Variants in PCDHA2 observed in about 807,000 individuals in gnomAD.
The protein encoded by PCDHA2 is protocadherin alpha-2.
A neutral mutation model predicts 66.0 loss-of-function variants in PCDHA2; 58 were observed. That is an observed-to-expected ratio of 0.88 (90% CI 0.71 to 1.09). The LOEUF (loss-of-function observed/expected upper bound fraction) is 1.09, where lower values mean the gene tolerates loss of function less well. PCDHA2 is among the 50% of genes least tolerant of loss of function. The pLI is 0.00. For missense variants in PCDHA2, 1,267 were observed against 1,242.3 expected (o/e 1.02, Z -0.30); for synonymous variants, 634 against 554.0 (o/e 1.14, Z -2.03).
chr5:140,869,878 A>T, intron 1 of PCDHA2: 1 of 1,610,122 alleles, frequency 6.2e-7, no homozygotes, highest in Non-Finnish European at 8.5e-7. Flanking sequence ...TGCTAAAGAA[A>T]CTCTTGTGCT....
At chr5:140,971,952 C>T (rs782029862) in intron 1 of PCDHA2, among the ~76,000 whole-genome samples, 3 of 152,012 alleles carry the variant, frequency 2.0e-5, no homozygotes, top group Non-Finnish European at 4.4e-5. Context: ...CATCTGACTC[C>T]AAAAACTTTT....
intron 3 of PCDHA2, among the ~76,000 whole-genome samples, chr5:140,984,430 A>T (rs1236503699): frequency 6.6e-6 from 1 of 152,080 alleles, no homozygotes; most frequent in East Asian, 1.9e-4. Flanking sequence ...AGAGAAGGGG[A>T]TCTCCCTTGT....
chr5:140,886,827 GA>G (rs782016620), intron 1 of PCDHA2, among the ~76,000 whole-genome samples: 1,709 of 60,916 alleles, frequency 0.028, 12 homozygotes, highest in African/African-American at 0.032. Flanking sequence ...ACTTCGTCTT[GA>G]AAAAAAAAAA....
At chr5:140,895,485 C>A (rs2065029754) in intron 1 of PCDHA2, among the ~76,000 whole-genome samples, 1 of 152,114 alleles carries the variant, frequency 6.6e-6, no homozygotes, top group African/African-American at 2.4e-5. Flanking sequence ...GGAGAAATAC[C>A]TATTCAGAAC....
At chr5:140,915,622 T>TTCTC (rs1418940406) in intron 1 of PCDHA2, among the ~76,000 whole-genome samples, 2 of 128,520 alleles carry the variant, frequency 1.6e-5, no homozygotes, top group South Asian at 2.5e-4. Flanking sequence ...AACAGTCTCT[T>TTCTC]TCTGTCTCTC....
Position 140,857,640 on chromosome 5 carries a change from A to T in PCDHA2, c.2388+60288A>T, listed in dbSNP as rs1554150415. The T allele has an allele frequency of 1.3e-6, 2 of 1,596,722 alleles. 1 individual carries two copies. The highest frequency in any genetic ancestry group is 3.4e-5 in the Admixed American group (2 of 59,300). On this transcript the variant is annotated intron_variant, in intron 1 of 3. Coordinates refer to ENST00000526136, the MANE Select transcript of PCDHA2 (RefSeq NM_018905.3). The stretch of plus-strand genomic sequence containing the variant: ...GACCACGAGGAGCTGGAGCTGCTAC[A>T]GTTCCAGGTGAGCGCGCGCGATGGG...
chr5:140,869,190 C>G (rs536787060), intron 1 of PCDHA2: 1 of 1,613,998 alleles, frequency 6.2e-7, no homozygotes, highest in African/African-American at 1.3e-5. Context: ...TGGGGAGCGG[C>G]CAGCTCCACT....
intron 1 of PCDHA2, among the ~76,000 whole-genome samples, chr5:140,840,665 CA>C (rs1776810280): frequency 6.6e-6 from 1 of 151,998 alleles, no homozygotes; most frequent in Admixed American, 6.6e-5. Flanking sequence ...TATGCACATA[CA>C]TTTTTATTAC....
chr5:140,858,539 T>A (rs62384480), intron 1 of PCDHA2: 78,694 of 1,399,008 alleles, frequency 0.056, 7,001 homozygotes, highest in Non-Finnish European at 0.065. Context: ...TTTGTCTACA[T>A]TCCATTTATG....
intron 1 of PCDHA2, chr5:140,808,728 G>T (rs559957887): frequency 6.2e-7 from 1 of 1,612,192 alleles, no homozygotes; most frequent in African/African-American, 1.3e-5. Context: ...CATGCGGAGA[G>T]CGGCAAGGTG....
In PCDHA2 at chr5:141,010,147, C is replaced by T. The variant is rs895381983; in HGVS notation, c.*210C>T. ...AAGTCTGGTGTTAACTCTTTCTCTC[C>T]ACTCTGGCTTGTTTTCAGAACCTAA... On this transcript the variant is annotated 3_prime_UTR_variant, in exon 4 of 4. Coordinates refer to ENST00000526136, the MANE Select transcript of PCDHA2 (RefSeq NM_018905.3). 3.2e-6 allele frequency: 5 copies of T among 1,583,190 alleles called. No homozygotes were observed. The highest frequency in any genetic ancestry group is 4.3e-6 in the Non-Finnish European group (5 of 1,163,606).
At chr5:140,870,836 A>C in intron 1 of PCDHA2, 1 of 1,613,796 alleles carries the variant, frequency 6.2e-7, no homozygotes, top group Non-Finnish European at 8.5e-7. Flanking sequence ...GCAGTTAACA[A>C]GCTAGTACCG....
chr5:140,875,553 G>A (rs1447542979), intron 1 of PCDHA2: 4 of 1,614,000 alleles, frequency 2.5e-6, no homozygotes, highest in African/African-American at 2.7e-5. Flanking sequence ...GGGAGGTGGG[G>A]AGCGGCCAGC....
At chr5:140,882,424 G>A in intron 1 of PCDHA2, 1 of 1,614,114 alleles carries the variant, frequency 6.2e-7, no homozygotes, top group Non-Finnish European at 8.5e-7. Context: ...CTCAGGACCT[G>A]GGGCTGGAGC....
rs2150500536 is a variant in PCDHA2, at chr5:140,850,854, G to C, written c.2388+53502G>C. On this transcript the variant is annotated intron_variant, in intron 1 of 3. Transcript: ENST00000526136. ...TTGTGCTGGATCTACAGAGCGAACG[G>C]GAGAACCCTCTGCTTCCTCAGATTC... 60 of 1,595,366 alleles carry C rather than the reference G, an allele frequency of 3.8e-5. 3 individuals carry two copies. In the South Asian group the frequency reaches 6.2e-4, roughly 16 times the overall value.
chr5:140,967,276 G>C, intron 1 of PCDHA2: 2 of 1,613,398 alleles, frequency 1.2e-6, no homozygotes. Context: ...TTCACATAGA[G>C]AGTGCGCAGG....
intron 3 of PCDHA2, among the ~76,000 whole-genome samples, chr5:140,989,205 C>G (rs750885432): frequency 6.6e-6 from 1 of 152,192 alleles, no homozygotes; most frequent in Admixed American, 6.5e-5. Flanking sequence ...TTCTAGCTTT[C>G]TTTATACACC....
chr5:140,910,103 T>C (rs1485345908), intron 1 of PCDHA2, among the ~76,000 whole-genome samples: 2 of 152,192 alleles, frequency 1.3e-5, no homozygotes, highest in Admixed American at 6.5e-5. Flanking sequence ...CTCCCCTTCA[T>C]TTAAGGGATT....
Position 140,796,069 on chromosome 5 carries a change from A to G in PCDHA2, c.1105A>G (p.Ile369Val). The change falls in exon 1 of 4, where the codon ATT (isoleucine) becomes GTT (valine). Residue 369 changes from isoleucine to valine, a missense_variant. Transcript: ENST00000526136. ...ISENASLGTV[I>V]ALITVSDRDS... ...AGAGAACGCTTCCCTGGGCACTGTC[A>G]TTGCTCTCATCACGGTGTCGGATCG... 4.3e-6 allele frequency: 7 copies of G among 1,614,190 alleles called. No homozygotes were observed. Among genetic ancestry groups the G allele is most frequent in the Non-Finnish European group, 5.9e-6 (7 of 1,180,038 alleles).
Sources: gnomAD v4.1 joint callset for allele counts (sites outside exome capture counted in the v4.1 genomes callset) on GRCh38, gnomAD v4.1.1 for gene constraint, MANE v1.5 for transcripts, NCBI Gene and HGNC (gene_info 2026-07-23, HGNC 2026-07-21) for gene names.